The following HECTD4 variants were observed in gnomAD, a reference collection of about 807,000 sequenced individuals.
The protein encoded by HECTD4 is probable E3 ubiquitin-protein ligase HECTD4.
Under a neutral mutation model 471.5 loss-of-function variants are expected in HECTD4, and 114 were observed. The ratio of observed to expected loss-of-function variants is 0.24; its 90% CI spans 0.21 to 0.28. HECTD4 has a LOEUF of 0.28. Ranked by LOEUF, HECTD4 falls within the 10% of genes least tolerant of loss-of-function variation. HECTD4 has a pLI of 1.00. For missense variants in HECTD4, 3,866 were observed against 5,651.5 expected, an observed-to-expected ratio of 0.68 and a Z score of 10.13; for synonymous variants, 2,012 against 2,256.0, an observed-to-expected ratio of 0.89 and a Z score of 3.07.
At chr12:112,225,847 C>G (rs1292994740) in intron 44 of HECTD4, among the ~76,000 whole-genome samples, 1 of 152,110 alleles carries the variant, frequency 6.6e-6, no homozygotes, top group Non-Finnish European at 1.5e-5. Flanking sequence ...AGGCTGCATT[C>G]AAACGCCTGG....
chr12:112,200,382 G>C (rs911030087), intron 55 of HECTD4, among the ~76,000 whole-genome samples: 3 of 152,212 alleles, frequency 2.0e-5, no homozygotes. Context: ...TCGAACTTGT[G>C]ACCTCAAGTG....
Position 112,192,740 on chromosome 12 carries a change from C to T in HECTD4, c.9112G>A (p.Ala3038Thr). 1 of 1,589,164 alleles carries T rather than the reference C, an allele frequency of 6.3e-7. No individual in the cohort carries two copies. Among genetic ancestry groups the T allele is most frequent in the Non-Finnish European group, 8.6e-7 (1 of 1,168,180 alleles). The change falls in exon 59 of 76, where the codon GCA (alanine) becomes ACA (threonine). Residue 3038 changes from alanine to threonine, a missense_variant. This residue lies in a region of HECTD4 where 364 missense variants were observed against 413.2 expected (regional missense o/e 0.88). Transcript: ENST00000682272. The stretch of plus-strand genomic sequence containing the variant: ...CCGAGGCCATATACGAGCACCCGTG[C>T]CCACGGTGCCTTGTACAGAGAGGAG... ...KDSSLYKAPWARVLVYGLGHK... is the reference protein window; with the variant it reads ...KDSSLYKAPWTRVLVYGLGHK...
At chr12:112,211,166 A>G (rs1467174818) in intron 49 of HECTD4, among the ~76,000 whole-genome samples, 1 of 152,208 alleles carries the variant, frequency 6.6e-6, no homozygotes, top group Non-Finnish European at 1.5e-5. Flanking sequence ...CCTAGCCAAC[A>G]TGGTGAAACC....
Position 112,273,638 on chromosome 12 carries a change from C to A in HECTD4, c.1942+17G>T. 6.2e-7 allele frequency: 1 copy of A among 1,612,538 alleles called. No individual in the cohort carries two copies. Among genetic ancestry groups the A allele is most frequent in the East Asian group, 2.2e-5 (1 of 44,870 alleles). ...CAGAGGAAAATCTTTTCCTGCAAGA[C>A]CCTGAGTGCACCTCACCTTTGGGCT... On this transcript the variant is annotated intron_variant, in intron 11 of 75. Coordinates refer to ENST00000682272, the MANE Select transcript of HECTD4 (RefSeq NM_001388303.1).
At chr12:112,176,331 G>A (rs2031445919) in intron 65 of HECTD4, among the ~76,000 whole-genome samples, 1 of 152,166 alleles carries the variant, frequency 6.6e-6, no homozygotes, top group African/African-American at 2.4e-5. Context: ...CTGGGCATGC[G>A]GTGTTTCTGG....
At chr12:112,175,622 A>C (rs2031411725) in intron 66 of HECTD4, 114 bp downstream of exon 66, 2 of 1,263,810 alleles carry the variant, frequency 1.6e-6, no homozygotes, top group Non-Finnish European at 1.1e-6. Context: ...ATTACGAAAT[A>C]ACTCAGAAAG....
chr12:112,229,135 T>C (rs560169566), intron 41 of HECTD4, among the ~76,000 whole-genome samples: 1 of 152,214 alleles, frequency 6.6e-6, no homozygotes, highest in East Asian at 1.9e-4. Flanking sequence ...GAGACCAGCC[T>C]GGCCAGCCTG....
At chr12:112,295,814 T>A (rs1280358914) in intron 7 of HECTD4, among the ~76,000 whole-genome samples, 1 of 146,072 alleles carries the variant, frequency 6.8e-6, no homozygotes, top group Non-Finnish European at 1.5e-5. Context: ...AAAAAAAATA[T>A]ATATATATAT....
intron 60 of HECTD4, 112 bp from the exon 61 acceptor site, chr12:112,185,605 G>C: frequency 1.3e-6 from 1 of 758,320 alleles, no homozygotes; most frequent in Non-Finnish European, 2.1e-6. Context: ...CACTGACTGC[G>C]CAATTCAGTC....
intron 1 of HECTD4, among the ~76,000 whole-genome samples, chr12:112,370,863 C>T (rs1189767892): frequency 6.6e-6 from 1 of 152,094 alleles, no homozygotes. Context: ...TGCAATTTCT[C>T]TCCTATGCAT....
chr12:112,380,895 C>T, intron 1 of HECTD4, among the ~76,000 whole-genome samples: 1 of 152,146 alleles, frequency 6.6e-6, no homozygotes, highest in Non-Finnish European at 1.5e-5. Context: ...CCAAACTGCA[C>T]GCAAAACCGC....
intron 8 of HECTD4, among the ~76,000 whole-genome samples, chr12:112,281,709 G>A (rs546704461): frequency 1.3e-5 from 2 of 152,232 alleles, no homozygotes; most frequent in South Asian, 4.1e-4. Context: ...GGACTAATAA[G>A]TATTTAATTT....
intron 11 of HECTD4, among the ~76,000 whole-genome samples, chr12:112,272,350 TCA>T (rs2135623853): frequency 6.6e-6 from 1 of 152,276 alleles, no homozygotes; most frequent in East Asian, 1.9e-4. Context: ...GCGCCTAGCC[TCA>T]TTTATTTTTA....
intron 4 of HECTD4, among the ~76,000 whole-genome samples, chr12:112,311,012 A>G (rs2035358625): frequency 6.6e-6 from 1 of 152,188 alleles, no homozygotes; most frequent in African/African-American, 2.4e-5. Flanking sequence ...CTGTAATCCC[A>G]ACACTTTGGG....
chr12:112,249,179 AC>A (rs1245048082), intron 25 of HECTD4, among the ~76,000 whole-genome samples: 1 of 151,776 alleles, frequency 6.6e-6, no homozygotes, highest in Admixed American at 6.6e-5. Flanking sequence ...ACGTGGAGAA[AC>A]CCCGTCTCTA....
chr12:112,204,969 C>A (rs906059222), intron 52 of HECTD4, among the ~76,000 whole-genome samples: 1 of 150,230 alleles, frequency 6.7e-6, no homozygotes, highest in Non-Finnish European at 1.5e-5. Flanking sequence ...CCCGTCTCTA[C>A]TAAAAATACA....
rs552573537 is a variant in HECTD4 at position 112,381,724 on chromosome 12, T to C, written c.177+228A>G. On this transcript the variant is annotated intron_variant, in intron 1 of 75. Coordinates refer to ENST00000682272, the MANE Select transcript of HECTD4 (RefSeq NM_001388303.1). The surrounding 1 kb of genome is among the most constrained non-coding windows in gnomAD (Gnocchi z 4.1). The stretch of plus-strand genomic sequence containing the variant: ...GGAACGCTCAAAAGAAAACCACAAA[T>C]GAAATCCCCTGCGGGCGCCAGGCCC... Among the ~76,000 whole-genome samples, 3 of 151,058 alleles carry C rather than the reference T, an allele frequency of 2.0e-5. No homozygotes were observed. In the South Asian group the frequency reaches 6.3e-4, roughly 32 times the overall value.
chr12:112,369,088 G>A (rs967348832), intron 1 of HECTD4, among the ~76,000 whole-genome samples: 1 of 152,066 alleles, frequency 6.6e-6, no homozygotes, highest in Non-Finnish European at 1.5e-5. Flanking sequence ...TTTCCCTCCT[G>A]CCTATATATA....
Position 112,251,036 on chromosome 12 carries a change from A to G in HECTD4, c.3651T>C (p.Asn1217=), listed in dbSNP as rs770493072. 5 of 1,614,030 alleles carry G rather than the reference A, an allele frequency of 3.1e-6. No homozygotes were observed. Among genetic ancestry groups the G allele is most frequent in the South Asian group, 1.1e-5 (1 of 91,082 alleles). ...CTTCTTCTTTGGTAATTTCTGGTCC[A>G]TTGTACAGGATTCTTAACATGGAAC... The part of the protein sequence containing the change: ...LACSMLRILY[N]GPEITKEEEA... Residue 1217 remains asparagine (N), a synonymous_variant, in exon 24 of 76, where the codon AAT becomes AAC. Transcript: ENST00000682272.
Sources: allele counts gnomAD v4.1 joint callset (sites outside exome capture counted in the v4.1 genomes callset), GRCh38; gene constraint gnomAD v4.1.1; regional missense constraint gnomAD v4.1.1; non-coding constraint Gnocchi (gnomAD v3.1); transcripts MANE v1.5; gene names NCBI Gene and HGNC (gene_info 2026-07-23, HGNC 2026-07-21).